The following GLDC variants were observed in gnomAD, a reference collection of about 807,000 sequenced individuals.
The protein encoded by GLDC is glycine dehydrogenase (decarboxylating), mitochondrial.
GLDC carries 104 observed loss-of-function variants against 121.3 expected under a neutral mutation model. The ratio of observed to expected loss-of-function variants is 0.86; its 90% CI spans 0.73 to 1.01. GLDC has a LOEUF of 1.01. Ranked by LOEUF, GLDC falls within the 50% of genes least tolerant of loss-of-function variation. The pLI is 0.00. For synonymous variants in GLDC, 546 were observed against 480.6 expected (o/e 1.14, Z -1.78); for missense variants, 1,429 against 1,306.6 (o/e 1.09, Z -1.44).
At chr9:6,604,864 T>A in intron 6 of GLDC, 80 bp from the exon 7 acceptor site, 1 of 1,183,364 alleles carries the variant, frequency 8.5e-7, no homozygotes, top group Non-Finnish European at 1.3e-6. Context: ...TTATCTTAAC[T>A]ACAGGAAGAC....
chr9:6,573,286 C>A (rs1439296411), intron 15 of GLDC, among the ~76,000 whole-genome samples: 2 of 151,696 alleles, frequency 1.3e-5, no homozygotes, highest in South Asian at 4.2e-4. Flanking sequence ...CATGGAGAAA[C>A]CCTGTCTCTA....
intron 11 of GLDC, among the ~76,000 whole-genome samples, chr9:6,590,421 G>A (rs1818353326): frequency 6.6e-6 from 1 of 152,144 alleles, no homozygotes; most frequent in South Asian, 2.1e-4. Flanking sequence ...TTGAAGATGG[G>A]CTTGGCGCTG....
intron 3 of GLDC, among the ~76,000 whole-genome samples, chr9:6,619,251 TC>T (rs1432246731): frequency 1.3e-5 from 2 of 150,332 alleles, no homozygotes; most frequent in Non-Finnish European, 3.0e-5. Flanking sequence ...AGCTCAGGCC[TC>T]TCTCATATCT....
chr9:6,578,502 C>A (rs972618605), intron 15 of GLDC, among the ~76,000 whole-genome samples: 5 of 152,036 alleles, frequency 3.3e-5, no homozygotes, highest in African/African-American at 7.2e-5. Context: ...GTTTGATATG[C>A]GGTATCTTCA....
At chr9:6,551,984 G>A (rs1817524737) in intron 20 of GLDC, among the ~76,000 whole-genome samples, 2 of 152,198 alleles carry the variant, frequency 1.3e-5, no homozygotes, top group South Asian at 4.1e-4. Context: ...TCCTTGGAAT[G>A]GGGCCTAGGC....
At chr9:6,636,719 A>G (rs2438409) in intron 2 of GLDC, among the ~76,000 whole-genome samples, 54,818 of 151,594 alleles carry the variant, frequency 0.36, 10,682 homozygotes, top group East Asian at 0.51. Flanking sequence ...AGGCTGCAGT[A>G]AGCTGTAATC....
In GLDC at chr9:6,536,078, C is replaced by T. The variant is rs1234623904; in HGVS notation, c.2824G>A (p.Val942Ile). The change falls in exon 23 of 25, where the codon GTC becomes ATC. Residue 942 changes from valine to isoleucine, a missense_variant. Transcript: ENST00000321612. ...DIEEGRIDPR[V>I]NPLKMSPHSL... ...GGCCTACGCACCTTCAGCGGATTGA[C>T]CCTGGGGTCGATGCGGCCCTCCTCA... is the stretch of plus-strand genomic sequence containing the variant. The T allele has an allele frequency of 1.2e-6, 2 of 1,613,594 alleles. No homozygotes were observed. Among genetic ancestry groups the T allele is most frequent in the East Asian group, 2.2e-5 (1 of 44,902 alleles).
chr9:6,623,216 T>C (rs12005397), intron 2 of GLDC: 34,505 of 162,018 alleles, frequency 0.21, 4,510 homozygotes, highest in East Asian at 0.44. Flanking sequence ...GGATGGTTGC[T>C]GTGTCTGTGT....
Position 6,643,011 on chromosome 9 carries a change from C to T in GLDC, c.334+1603G>A, listed in dbSNP as rs567131987. Among the ~76,000 whole-genome samples the T allele has an allele frequency of 4.6e-5, 7 of 152,134 alleles. No individual in the cohort carries two copies. In the East Asian group the frequency reaches 1.4e-3, roughly 29 times the overall value. On this transcript the variant is annotated intron_variant, in intron 2 of 24. Transcript: ENST00000321612. ...CTGCCCAGCTCAAGTGTTTCTGCCA[C>T]ATTAGCCTCCGGAGTAGCTGGGATT... is the stretch of plus-strand genomic sequence containing the variant.
intron 2 of GLDC, among the ~76,000 whole-genome samples, chr9:6,631,959 G>A (rs957242318): frequency 2.0e-5 from 3 of 152,102 alleles, no homozygotes; most frequent in African/African-American, 7.2e-5. Flanking sequence ...CAGATACTCA[G>A]GAAGCTGCAG....
chr9:6,533,280 G>A (rs1484222553), intron 24 of GLDC, 120 bp from the exon 25 acceptor site: 12 of 894,464 alleles, frequency 1.3e-5, no homozygotes. Context: ...AATATTCTGA[G>A]AACCTAAAAT....
At chr9:6,607,698 C>T (rs1400526344) in intron 4 of GLDC, among the ~76,000 whole-genome samples, 1 of 151,870 alleles carries the variant, frequency 6.6e-6, no homozygotes, top group Non-Finnish European at 1.5e-5. Flanking sequence ...GGCTGGAGTG[C>T]AGTAGCGCCA....
At chr9:6,615,839 C>G (rs1389770745) in intron 3 of GLDC, among the ~76,000 whole-genome samples, 1 of 152,158 alleles carries the variant, frequency 6.6e-6, no homozygotes, top group Non-Finnish European at 1.5e-5. Flanking sequence ...GTCTTGAACA[C>G]CTGACCTCAA....
chr9:6,545,871 G>A (rs1444721236), intron 21 of GLDC, among the ~76,000 whole-genome samples: 1 of 152,088 alleles, frequency 6.6e-6, no homozygotes, highest in African/African-American at 2.4e-5. Flanking sequence ...GAACTCCTGA[G>A]TTCAAGTGAT....
intron 23 of GLDC, among the ~76,000 whole-genome samples, chr9:6,535,009 T>C (rs1817092959): frequency 6.6e-6 from 1 of 152,228 alleles, no homozygotes; most frequent in Non-Finnish European, 1.5e-5. Context: ...TAAAGTCTAA[T>C]GAGCATTCTG....
intron 2 of GLDC, among the ~76,000 whole-genome samples, chr9:6,640,912 C>A (rs1473393845): frequency 1.3e-5 from 2 of 152,152 alleles, no homozygotes; most frequent in African/African-American, 2.4e-5. Flanking sequence ...ATAAGGGCAC[C>A]ATTCAGAGAA....
At position 6,644,684 on chromosome 9, in the gene GLDC, A is replaced by C. The variant is rs1270530638; in HGVS notation, c.264T>G (p.Asp88Glu). The change falls in exon 2 of 25, where the codon GAT becomes GAG. Residue 88 changes from aspartate to glutamate, a missense_variant. Physicochemically the swap from Asp to Glu is conservative, Grantham distance 45. Coordinates refer to ENST00000321612, the MANE Select transcript of GLDC (RefSeq NM_000170.3). ...MLQTLGLASIDELIEKTVPAN... is the reference protein window; with the variant it reads ...MLQTLGLASIEELIEKTVPAN... The stretch of plus-strand genomic sequence containing the variant: ...CAGGGACCGTCTTCTCGATCAATTC[A>C]TCAATGCTCTAAAATTAAAACGCAA... 1.2e-6 allele frequency: 2 copies of C among 1,611,220 alleles called. No individual in the cohort carries two copies. Among genetic ancestry groups the C allele is most frequent in the East Asian group, 2.2e-5 (1 of 44,862 alleles).
At chr9:6,642,948 A>G (rs569481651) in intron 2 of GLDC, among the ~76,000 whole-genome samples, 1 of 151,890 alleles carries the variant, frequency 6.6e-6, no homozygotes, top group Non-Finnish European at 1.5e-5. Flanking sequence ...ACTCAGGTGG[A>G]AGTGCAGTGG....
Sources: allele counts gnomAD v4.1 joint callset (sites outside exome capture counted in the v4.1 genomes callset), GRCh38; gene constraint gnomAD v4.1.1; transcripts MANE v1.5; gene names NCBI Gene and HGNC (gene_info 2026-07-23, HGNC 2026-07-21).